The following ITGAM variants were observed in gnomAD, a reference collection of about 807,000 sequenced individuals.
ITGAM encodes integrin alpha-M.
In ITGAM, 79 loss-of-function variants were observed where a neutral mutation model predicts 137.5. The ratio of observed to expected loss-of-function variants is 0.57; its 90% CI spans 0.48 to 0.69. The LOEUF (loss-of-function observed/expected upper bound fraction) is 0.69. Among genes scored for constraint, ITGAM ranks in the 30% least tolerant of loss-of-function variants. The pLI is 0.00. For missense variants in ITGAM, 1,343 were observed against 1,483.5 expected, an observed-to-expected ratio of 0.91 and a Z score of 1.56; for synonymous variants, 583 against 592.3, an observed-to-expected ratio of 0.98 and a Z score of 0.23.
At position 31,328,163 on chromosome 16, in the gene ITGAM, A is replaced by G. The variant is rs760964285; in HGVS notation, c.2725A>G (p.Arg909Gly). The G allele has an allele frequency of 2.2e-5, 35 of 1,613,866 alleles. No homozygotes were observed. The highest frequency in any genetic ancestry group is 2.7e-5 in the African/African-American group (2 of 74,942). The change falls in exon 23 of 30, where the codon AGA becomes GGA. Residue 909 changes from arginine (R) to glycine (G), a missense_variant. Arg to Gly is a moderately radical substitution (Grantham distance 125, BLOSUM62 -2). Transcript: ENST00000544665. The stretch of plus-strand genomic sequence containing the variant: ...TCCCTCCAGTGAGAACAACATGCCC[A>G]GAACCAACAAAACCGAATTCCAACT... ...ANVTSENNMP[R>G]TNKTEFQLEL...
intron 5 of ITGAM, among the ~76,000 whole-genome samples, chr16:31,269,490 A>G (rs1468416400): frequency 1.3e-5 from 2 of 152,354 alleles, no homozygotes; most frequent in Middle Eastern, 3.4e-3. Context: ...GCCTACACCC[A>G]GGAATGAACA....
chr16:31,325,451 C>T lies in ITGAM; in HGVS notation c.2505+47C>T, dbSNP rs1376560186. 2.5e-6 allele frequency: 4 copies of T among 1,612,856 alleles called. No individual in the cohort carries two copies. The African/African-American group carries it at 5.3e-5, about 22-fold the overall frequency. ...TCTATCTGACCTTTGCTTCCCCATC[C>T]TCACGGCCGGAGGTGGATATCACCG... On this transcript the variant is annotated intron_variant, in intron 20 of 29. Transcript: ENST00000544665.
chr16:31,272,101 A>G, intron 7 of ITGAM, 109 bp downstream of exon 7: 1 of 1,322,122 alleles, frequency 7.6e-7, no homozygotes, highest in Non-Finnish European at 1.1e-6. Context: ...ATGCTTCCCC[A>G]CCGGCAGAGG....
rs780594165 is a variant in ITGAM, at chr16:31,321,444, G to A, written c.1839-20G>A. 5.0e-6 allele frequency: 8 copies of A among 1,613,742 alleles called. No homozygotes were observed. The South Asian group carries it at 7.7e-5, about 16-fold the overall frequency. On this transcript the variant is annotated intron_variant, in intron 15 of 29. Transcript: ENST00000544665. Reference sequence around the variant, plus strand: ...GTTTCCTGTTTGAAGGTCCCTGATGGTTTTCTGGTGTCCCTTTAGGTCCCA... The same window carrying A: ...GTTTCCTGTTTGAAGGTCCCTGATGATTTTCTGGTGTCCCTTTAGGTCCCA...
At chr16:31,312,540 C>T (rs938086423) in intron 14 of ITGAM, among the ~76,000 whole-genome samples, 3 of 152,270 alleles carry the variant, frequency 2.0e-5, no homozygotes, top group African/African-American at 7.2e-5. Flanking sequence ...GATCCGCCTG[C>T]CTCAGCCTCC....
chr16:31,271,771 T>G, intron 6 of ITGAM, 76 bp from the exon 7 acceptor site: 10 of 1,565,396 alleles, frequency 6.4e-6, no homozygotes, highest in Non-Finnish European at 7.8e-6. Context: ...GTTTAAGATC[T>G]TCGTGGAGCT....
intron 14 of ITGAM, among the ~76,000 whole-genome samples, chr16:31,302,428 CTTCTTTCT>C (rs201632413): frequency 6.8e-5 from 7 of 103,126 alleles, no homozygotes; most frequent in Admixed American, 5.5e-4. Context: ...TTCTTTCTTT[CTTCTTTCT>C]TTCTTTCTTT....
chr16:31,277,642 G>A (rs1365573898), intron 11 of ITGAM, among the ~76,000 whole-genome samples: 2 of 152,036 alleles, frequency 1.3e-5, no homozygotes, highest in African/African-American at 4.8e-5. Flanking sequence ...ACAGACGTGA[G>A]CCACCGTGCC....
At chr16:31,278,418 A>G (rs1304542678) in intron 12 of ITGAM, among the ~76,000 whole-genome samples, 1 of 152,132 alleles carries the variant, frequency 6.6e-6, no homozygotes, top group East Asian at 1.9e-4. Flanking sequence ...ACAATTCCGT[A>G]TTCATTGATA....
chr16:31,330,922 CAGAGACAGTG>C (rs1324560767), intron 28 of ITGAM, among the ~76,000 whole-genome samples: 1 of 142,786 alleles, frequency 7.0e-6, no homozygotes, highest in African/African-American at 2.7e-5. Flanking sequence ...GCGACAGAGA[CAGAGACAGTG>C]AGCCATGGAG....
intron 2 of ITGAM, among the ~76,000 whole-genome samples, chr16:31,262,238 C>T (rs1396430034): frequency 6.6e-6 from 1 of 151,476 alleles, no homozygotes; most frequent in East Asian, 1.9e-4. Context: ...TCCCTCCCTT[C>T]CTCCCTTCCT....
intron 11 of ITGAM, 138 bp from the exon 12 acceptor site, chr16:31,277,829 A>G: frequency 1.2e-6 from 1 of 861,904 alleles, no homozygotes. Flanking sequence ...ATGTTCATAA[A>G]GAGAAATATA....
intron 14 of ITGAM, among the ~76,000 whole-genome samples, chr16:31,310,038 A>G (rs998436773): frequency 6.6e-6 from 1 of 151,058 alleles, no homozygotes; most frequent in Non-Finnish European, 1.5e-5. Context: ...GGTTACCCAC[A>G]AAGGGAAGCC....
At chr16:31,273,710 A>G (rs2079876969) in intron 8 of ITGAM, 192 bp downstream of exon 8, 3 of 529,994 alleles carry the variant, frequency 5.7e-6, no homozygotes, top group South Asian at 5.1e-5. Flanking sequence ...GCAGCTTAAA[A>G]TAATAAGTAA....
chr16:31,320,888 T>C (rs1465565196), intron 14 of ITGAM, among the ~76,000 whole-genome samples: 1 of 152,058 alleles, frequency 6.6e-6, no homozygotes, highest in Non-Finnish European at 1.5e-5. Flanking sequence ...TTAATAGAAA[T>C]TGGGGTTGGG....
Position 31,329,908 on chromosome 16 carries a change from G to A in ITGAM, c.2976+3G>A, listed in dbSNP as rs750071853. 1.9e-6 allele frequency: 3 copies of A among 1,558,010 alleles called. No homozygotes were observed. Among genetic ancestry groups the A allele is most frequent in the African/African-American group, 2.7e-5 (2 of 73,440 alleles). On this transcript the variant is annotated splice_donor_region_variant and intron_variant, in intron 25 of 29. Transcript: ENST00000544665. ...GCCCCCAGGTCACCTTCTCCGAGGT[G>A]AGCGGAGCTCGGCCTGACTCCTGCA...
intron 5 of ITGAM, among the ~76,000 whole-genome samples, chr16:31,270,256 C>T (rs755093232): frequency 1.2e-4 from 17 of 143,912 alleles, no homozygotes; most frequent in East Asian, 2.1e-4. Context: ...TGCAGTGGTG[C>T]GATCTCAGCT....
chr16:31,277,239 C>T (rs532499602), intron 11 of ITGAM, among the ~76,000 whole-genome samples, 190 bp downstream of exon 11: 5 of 152,118 alleles, frequency 3.3e-5, no homozygotes, highest in African/African-American at 7.2e-5. Context: ...TCTTGTCGCC[C>T]GGGCTGTAGT....
rs746748315 is a variant in ITGAM at position 31,271,025 on chromosome 16, C to T, written c.499C>T (p.Arg167Trp). Residue 167 changes from arginine (R) to tryptophan (W), a missense_variant, in exon 6 of 30, where the codon CGG becomes TGG. Arg to Trp is a moderately radical substitution (Grantham distance 101, BLOSUM62 -3). Transcript: ENST00000544665. ...GSGSIIPHDFRRMKEFVSTVM... is the reference protein window; with the variant it reads ...GSGSIIPHDFWRMKEFVSTVM... The stretch of plus-strand genomic sequence containing the variant: ...TGGTAGCATCATCCCACATGACTTT[C>T]GGCGGATGAAGGAGTTTGTCTCAAC... 3.8e-5 allele frequency: 61 copies of T among 1,585,504 alleles called. No individual in the cohort carries two copies. Among genetic ancestry groups the T allele is most frequent in the Non-Finnish European group, 4.8e-5 (56 of 1,162,982 alleles).
Sources: gnomAD v4.1 joint callset for allele counts (sites outside exome capture counted in the v4.1 genomes callset) on GRCh38, gnomAD v4.1.1 for gene constraint, MANE v1.5 for transcripts, NCBI Gene and HGNC (gene_info 2026-07-23, HGNC 2026-07-21) for gene names.